Variants in DGKB observed in about 807,000 individuals in gnomAD.
DGKB encodes the protein 90 kDa diacylglycerol kinase.
In DGKB, 67 loss-of-function variants were observed where a neutral mutation model predicts 114.3. The ratio of observed to expected loss-of-function variants is 0.59; its 90% CI spans 0.48 to 0.72. The LOEUF (loss-of-function observed/expected upper bound fraction) is 0.72, where lower values mean the gene tolerates loss of function less well. DGKB is among the 30% of genes least tolerant of loss of function. The probability of loss-of-function intolerance (pLI) is 0.00; values close to 1 mark genes in which losing one functional copy is unlikely to be tolerated. For synonymous variants in DGKB, 398 were observed against 323.1 expected (o/e 1.23, Z -2.49); for missense variants, 907 against 975.2 (o/e 0.93, Z 0.93).
rs147014937 is a variant in DGKB at position 14,871,824 on chromosome 7, A to G, written c.-187-30374T>C. ...ATGGGGAGGTGTGGTGATGGATGGC[A>G]TCATGCAGACATTAGTGGATTATAA... On this transcript the variant is annotated intron_variant, in intron 1 of 25. Transcript: ENST00000402815. Among the ~76,000 whole-genome samples the G allele has an allele frequency of 3.8e-3, 580 of 152,314 alleles. 11 individuals are homozygous for G. The Middle Eastern group carries it at 0.075, about 20-fold the overall frequency.
chr7:14,177,283 T>A (rs903884956), intron 24 of DGKB, among the ~76,000 whole-genome samples: 1 of 152,066 alleles, frequency 6.6e-6, no homozygotes, highest in Non-Finnish European at 1.5e-5. Context: ...CACTTCCAGA[T>A]AAATAACATC....
intron 2 of DGKB, chr7:14,815,167 C>T (rs1472043682): frequency 1.3e-5 from 2 of 152,114 alleles, no homozygotes; most frequent in Non-Finnish European, 2.9e-5. Flanking sequence ...TTTATAGTGG[C>T]TGCTTATCTA....
intron 21 of DGKB, among the ~76,000 whole-genome samples, chr7:14,396,529 A>T: frequency 6.6e-6 from 1 of 152,182 alleles, no homozygotes; most frequent in East Asian, 1.9e-4. Context: ...CTCAAAGCTG[A>T]AAACTCCACA....
chr7:14,923,523 A>C (rs1434459507), intron 1 of DGKB, among the ~76,000 whole-genome samples: 1 of 152,168 alleles, frequency 6.6e-6, no homozygotes. Flanking sequence ...AATTATTTGA[A>C]ATTCATAATC....
intron 4 of DGKB, among the ~76,000 whole-genome samples, chr7:14,753,716 C>A (rs1414008395): frequency 1.3e-5 from 2 of 152,018 alleles, no homozygotes; most frequent in African/African-American, 4.8e-5. Flanking sequence ...ATTAAGGTAC[C>A]AGCTCCTATT....
At chr7:14,514,032 A>G (rs1234492422) in intron 20 of DGKB, among the ~76,000 whole-genome samples, 1 of 152,048 alleles carries the variant, frequency 6.6e-6, no homozygotes, top group Admixed American at 6.6e-5. Flanking sequence ...TTAAAATCTT[A>G]AAATCCATAA....
At chr7:14,646,496 A>G (rs1813040706) in intron 13 of DGKB, among the ~76,000 whole-genome samples, 1 of 152,158 alleles carries the variant, frequency 6.6e-6, no homozygotes, top group Non-Finnish European at 1.5e-5. Flanking sequence ...AATGAACCCA[A>G]TAGATATTTA....
chr7:14,418,390 T>C (rs201381587), intron 21 of DGKB, among the ~76,000 whole-genome samples: 806 of 71,510 alleles, frequency 0.011, 19 homozygotes, highest in South Asian at 0.023. Context: ...TATATATATA[T>C]ATACACACAC....
intron 1 of DGKB, among the ~76,000 whole-genome samples, chr7:14,842,010 C>T (rs190599650): frequency 1.3e-4 from 20 of 152,240 alleles, no homozygotes; most frequent in East Asian, 7.7e-4. Context: ...TTGTGAATCA[C>T]GCTTTAAAAT....
At chr7:14,719,003 C>T (rs1828701832) in intron 5 of DGKB, 1 of 193,612 alleles carries the variant, frequency 5.2e-6, no homozygotes. Flanking sequence ...TTCCACTTTT[C>T]TGTGCTTTAG....
At chr7:14,669,917 T>C (rs1402591829) in intron 13 of DGKB, among the ~76,000 whole-genome samples, 2 of 152,136 alleles carry the variant, frequency 1.3e-5, no homozygotes, top group Non-Finnish European at 2.9e-5. Context: ...TTTAACTCTT[T>C]ACCCAAAGAG....
chr7:14,236,124 G>A (rs969087199), intron 23 of DGKB, among the ~76,000 whole-genome samples: 1 of 152,006 alleles, frequency 6.6e-6, no homozygotes, highest in Non-Finnish European at 1.5e-5. Context: ...TGAGAGTGAT[G>A]TACCTGTCTT....
At chr7:14,729,411 C>A (rs1830591120) in intron 5 of DGKB, among the ~76,000 whole-genome samples, 1 of 152,170 alleles carries the variant, frequency 6.6e-6, no homozygotes, top group Admixed American at 6.5e-5. Context: ...CACGAGCCAT[C>A]ATTTTGCTCA....
chr7:14,878,715 C>T (rs1274140337), intron 1 of DGKB, among the ~76,000 whole-genome samples: 1 of 148,210 alleles, frequency 6.7e-6, no homozygotes, highest in Non-Finnish European at 1.5e-5. Context: ...GGCCACTGCC[C>T]TCCAGCCTGG....
intron 1 of DGKB, among the ~76,000 whole-genome samples, chr7:14,845,106 CAA>C (rs59367496): frequency 2.2e-5 from 2 of 89,262 alleles, no homozygotes; most frequent in Admixed American, 1.2e-4. Flanking sequence ...GGCCCTGTGT[CAA>C]AAAAAAAAAA....
At chr7:14,362,162 G>T (rs1176758556) in intron 21 of DGKB, among the ~76,000 whole-genome samples, 5 of 151,978 alleles carry the variant, frequency 3.3e-5, no homozygotes, top group South Asian at 4.1e-4. Flanking sequence ...TCTCCTGGAG[G>T]CTCCGTTTAG....
chr7:14,367,754 G>A (rs1008484610), intron 21 of DGKB, among the ~76,000 whole-genome samples: 3 of 152,024 alleles, frequency 2.0e-5, no homozygotes, highest in Non-Finnish European at 4.4e-5. Flanking sequence ...TTATAATCAT[G>A]GTGGAAAGGT....
At chr7:14,420,670 C>T (rs1826515938) in intron 21 of DGKB, among the ~76,000 whole-genome samples, 3 of 152,048 alleles carry the variant, frequency 2.0e-5, no homozygotes, top group South Asian at 2.1e-4. Flanking sequence ...ATTATAGACA[C>T]GGACTACTGC....
intron 13 of DGKB, among the ~76,000 whole-genome samples, chr7:14,669,525 C>A (rs1024982111): frequency 7.9e-5 from 12 of 152,178 alleles, no homozygotes; most frequent in African/African-American, 2.9e-4. Flanking sequence ...AACATCTTGA[C>A]AGCCTCTTTT....
Sources: gnomAD v4.1 joint callset for allele counts (sites outside exome capture counted in the v4.1 genomes callset) on GRCh38, gnomAD v4.1.1 for gene constraint, MANE v1.5 for transcripts, NCBI Gene and HGNC (gene_info 2026-07-23, HGNC 2026-07-21) for gene names.